SIPA1L2: variants seen among roughly 807,000 people sequenced by gnomAD.
SIPA1L2 encodes signal-induced proliferation-associated 1-like protein 2.
SIPA1L2 carries 56 observed loss-of-function variants against 163.9 expected under a neutral mutation model. The observed-to-expected ratio is 0.34, with a 90% CI of 0.28 to 0.43. SIPA1L2 has a LOEUF of 0.43. Ranked by LOEUF, SIPA1L2 falls within the 20% of genes least tolerant of loss-of-function variation. The pLI, the probability that SIPA1L2 is intolerant of heterozygous loss-of-function variation, is 1.00. For synonymous variants in SIPA1L2, 877 were observed against 865.7 expected (o/e 1.01, Z -0.23); for missense variants, 1,974 against 2,193.5 (o/e 0.90, Z 2.00).
At chr1:232,552,297 CTTAA>C (rs1658440007) in intron 2 of SIPA1L2, among the ~76,000 whole-genome samples, 2 of 152,096 alleles carry the variant, frequency 1.3e-5, no homozygotes, top group Admixed American at 6.5e-5. Context: ...ACAGAATTTT[CTTAA>C]TTCTTAGGTA....
rs376252876 is a variant in SIPA1L2 at position 232,582,410 on chromosome 1, TTAGTTTTCTA to T, written c.-318-8198_-318-8189del. ...ACTTATTAATGAGAACATGTAATATTTAGTTTTCTATACCTGCATTGGTTTGCTTAGGATT... is the reference window on the plus strand; with the variant it reads ...ACTTATTAATGAGAACATGTAATATTTACCTGCATTGGTTTGCTTAGGATT... On this transcript the variant is annotated intron_variant, in intron 1 of 22. Transcript: ENST00000674635. 1.8e-3 allele frequency among the ~76,000 whole-genome samples: 273 copies of T among 152,332 alleles called. 1 individual carries two copies. The highest frequency in any genetic ancestry group is 5.1e-3 in the African/African-American group (212 of 41,562).
chr1:232,462,363 T>A (rs1397659706), intron 9 of SIPA1L2: 2 of 1,517,810 alleles, frequency 1.3e-6, no homozygotes, highest in East Asian at 4.9e-5. Flanking sequence ...TCCATTTCTA[T>A]GAAACATGCT....
At chr1:232,439,780 A>G (rs934432765) in intron 14 of SIPA1L2, among the ~76,000 whole-genome samples, 1 of 152,228 alleles carries the variant, frequency 6.6e-6, no homozygotes, top group Non-Finnish European at 1.5e-5. Flanking sequence ...GTCACTAGCA[A>G]AGAAAATAAT....
At chr1:232,596,230 T>C (rs1014815493) in intron 1 of SIPA1L2, among the ~76,000 whole-genome samples, 1 of 152,226 alleles carries the variant, frequency 6.6e-6, no homozygotes, top group African/African-American at 2.4e-5. Context: ...ATATACTGCA[T>C]GCTCTTAGCT....
Position 232,614,140 on chromosome 1 carries a change from T to C in SIPA1L2, c.-319+15729A>G, listed in dbSNP as rs543990626. On this transcript the variant is annotated intron_variant, in intron 1 of 22. Coordinates refer to ENST00000674635, the MANE Select transcript of SIPA1L2 (RefSeq NM_020808.5). ...CACTAACTTACTGTCATGAAAAGCA[T>C]AGGCTCACACTCCACACAGGGATTG... Among the ~76,000 whole-genome samples, 233 of 152,218 alleles carry C rather than the reference T, an allele frequency of 1.5e-3. 1 individual carries two copies. The highest frequency in any genetic ancestry group is 6.8e-3 in the Admixed American group (104 of 15,294).
intron 18 of SIPA1L2, among the ~76,000 whole-genome samples, chr1:232,422,906 C>T (rs139982008): frequency 6.6e-6 from 1 of 152,218 alleles, no homozygotes. Context: ...TACAGAATGG[C>T]CAGAAACCAT....
chr1:232,404,269 AGTGT>A, intron 19 of SIPA1L2, 91 bp from the exon 20 acceptor site: 2 of 1,110,894 alleles, frequency 1.8e-6, no homozygotes, highest in South Asian at 1.3e-5. Context: ...TGTGTGAAGT[AGTGT>A]GTGTGTGTGA....
intron 1 of SIPA1L2, among the ~76,000 whole-genome samples, chr1:232,594,637 C>G (rs1573142092): frequency 6.6e-6 from 1 of 152,246 alleles, no homozygotes; most frequent in Admixed American, 6.5e-5. Context: ...CAGCCTCTTT[C>G]TAGCTATTCT....
chr1:232,441,833 G>A lies in SIPA1L2; in HGVS notation c.3473C>T (p.Ser1158Leu). 1.3e-5 allele frequency: 21 copies of A among 1,613,608 alleles called. No individual in the cohort carries two copies. The highest frequency in any genetic ancestry group is 1.8e-5 in the Non-Finnish European group (21 of 1,179,838). ...GGCTCCGTCACATTCCAAAGGGCCTGAGCCCTGGTGTTCGAGCAGTAGAGG... is the reference window on the plus strand; with the variant it reads ...GGCTCCGTCACATTCCAAAGGGCCTAAGCCCTGGTGTTCGAGCAGTAGAGG... The part of the protein sequence containing the change: ...QSPLLLEHQG[S>L]GPLECDGARE... Residue 1158 changes from serine to leucine, a missense_variant, in exon 13 of 23, where the codon TCA becomes TTA. Ser to Leu is a moderately radical substitution (Grantham distance 145). Around this residue, in one of 3 missense-constraint regions of SIPA1L2, gnomAD observed 1,079 missense variants for 1,150.7 expected, o/e 0.94. Transcript: ENST00000674635.
intron 1 of SIPA1L2, among the ~76,000 whole-genome samples, chr1:232,615,262 C>A (rs371683620): frequency 1.3e-5 from 2 of 152,204 alleles, no homozygotes; most frequent in Non-Finnish European, 1.5e-5. Flanking sequence ...CTACTCCACA[C>A]GGTCTCCAAA....
At chr1:232,425,214 C>T (rs896864118) in intron 18 of SIPA1L2, among the ~76,000 whole-genome samples, 1 of 152,020 alleles carries the variant, frequency 6.6e-6, no homozygotes, top group South Asian at 2.1e-4. Flanking sequence ...GATGTCCCTC[C>T]TTGCTGTCAC....
In SIPA1L2 at chr1:232,446,473, C is replaced by T. The variant is rs1428681923; in HGVS notation, c.3096-687G>A. 2.6e-5 allele frequency among the ~76,000 whole-genome samples: 4 copies of T among 152,280 alleles called. No individual in the cohort carries two copies. The East Asian group carries it at 7.7e-4, about 29-fold the overall frequency. On this transcript the variant is annotated intron_variant, in intron 10 of 22. Coordinates refer to ENST00000674635, the MANE Select transcript of SIPA1L2 (RefSeq NM_020808.5). The stretch of plus-strand genomic sequence containing the variant: ...GGGCCAAAACTCATCAAAATGTATG[C>T]TTTGTATACATGCAGTTCATTATGC...
At chr1:232,595,817 T>C (rs1245796574) in intron 1 of SIPA1L2, among the ~76,000 whole-genome samples, 1 of 152,260 alleles carries the variant, frequency 6.6e-6, no homozygotes, top group Non-Finnish European at 1.5e-5. Flanking sequence ...TTCCTTTAAA[T>C]GTTTCAAAGA....
At chr1:232,577,646 G>C (rs1398190947) in intron 1 of SIPA1L2, among the ~76,000 whole-genome samples, 3 of 152,142 alleles carry the variant, frequency 2.0e-5, no homozygotes, top group Non-Finnish European at 2.9e-5. Flanking sequence ...TTTGGAAGAA[G>C]TTGACTCCAA....
chr1:232,426,251 T>G (rs933742455), intron 17 of SIPA1L2, among the ~76,000 whole-genome samples: 1 of 152,118 alleles, frequency 6.6e-6, no homozygotes, highest in African/African-American at 2.4e-5. Context: ...ACATGTGAGG[T>G]TCAATCTAAT....
chr1:232,557,215 TATAAC>T (rs910393054), intron 2 of SIPA1L2, among the ~76,000 whole-genome samples: 1 of 152,118 alleles, frequency 6.6e-6, no homozygotes, highest in African/African-American at 2.4e-5. Context: ...AATAGGAAGA[TATAAC>T]ATACAGTGAA....
chr1:232,581,241 C>T (rs1236778617), intron 1 of SIPA1L2, among the ~76,000 whole-genome samples: 3 of 152,186 alleles, frequency 2.0e-5, no homozygotes, highest in Non-Finnish European at 2.9e-5. Context: ...CACACCATTC[C>T]CTTAGCTCGG....
At chr1:232,597,413 C>G (rs547276051) in intron 1 of SIPA1L2, among the ~76,000 whole-genome samples, 1 of 151,652 alleles carries the variant, frequency 6.6e-6, no homozygotes, top group East Asian at 1.9e-4. Flanking sequence ...CGCGGTGGCT[C>G]ACACCTGTAA....
chr1:232,447,899 A>G (rs1433770252), intron 10 of SIPA1L2, among the ~76,000 whole-genome samples: 1 of 152,252 alleles, frequency 6.6e-6, no homozygotes, highest in African/African-American at 2.4e-5. Context: ...AACTATAGTT[A>G]TATTAATATA....
Sources: allele counts gnomAD v4.1 joint callset (sites outside exome capture counted in the v4.1 genomes callset), GRCh38; gene constraint gnomAD v4.1.1; regional missense constraint gnomAD v4.1.1; transcripts MANE v1.5; gene names NCBI Gene and HGNC (gene_info 2026-07-23, HGNC 2026-07-21).